Variants in MEI1 observed in about 807,000 individuals in gnomAD.
MEI1 encodes the protein meiosis inhibitor protein 1.
In MEI1, 103 loss-of-function variants were observed where a neutral mutation model predicts 146.2. The observed-to-expected ratio is 0.70, with a 90% CI of 0.60 to 0.83. The LOEUF is 0.83. Among genes scored for constraint, MEI1 ranks in the 40% least tolerant of loss-of-function variants. MEI1 has a pLI of 0.00. For missense variants in MEI1, 1,529 were observed against 1,533.0 expected, an observed-to-expected ratio of 1.00 and a Z score of 0.04; for synonymous variants, 652 against 628.2, an observed-to-expected ratio of 1.04 and a Z score of -0.57.
intron 16 of MEI1, among the ~76,000 whole-genome samples, chr22:41,753,277 C>A (rs2073893000): frequency 6.6e-6 from 1 of 152,024 alleles, no homozygotes; most frequent in African/African-American, 2.4e-5. Flanking sequence ...GCTGGGATTA[C>A]AGGCGTGAGC....
intron 6 of MEI1, among the ~76,000 whole-genome samples, chr22:41,721,712 G>T: frequency 7.4e-6 from 1 of 135,820 alleles, no homozygotes; most frequent in African/African-American, 2.8e-5. Context: ...GTTTTTAAAT[G>T]CTACCCCTTT....
At chr22:41,711,190 T>A (rs2069527469) in intron 3 of MEI1, among the ~76,000 whole-genome samples, 1 of 152,166 alleles carries the variant, frequency 6.6e-6, no homozygotes, top group Non-Finnish European at 1.5e-5. Flanking sequence ...TTTCTTTTTT[T>A]TTGAGACAAT....
At chr22:41,711,990 T>G (rs1601666099) in intron 3 of MEI1, among the ~76,000 whole-genome samples, 1 of 151,144 alleles carries the variant, frequency 6.6e-6, no homozygotes, top group African/African-American at 2.4e-5. Context: ...TCACCTGAGG[T>G]TAGGAGTTCG....
Position 41,799,449 on chromosome 22 carries a change from C to A in MEI1, c.*150C>A. ...TAGAATAAGGAAATAAAATGATACA[C>A]TCACATACCTGCGCGAGCTCTCCAA... On this transcript the variant is annotated 3_prime_UTR_variant, in exon 31 of 31. Coordinates refer to ENST00000401548, the MANE Select transcript of MEI1 (RefSeq NM_152513.4). 2.8e-6 allele frequency: 2 copies of A among 704,962 alleles called. No individual in the cohort carries two copies. The highest frequency in any genetic ancestry group is 4.7e-6 in the Non-Finnish European group (2 of 423,172). 43.7% of individuals were successfully genotyped at this position (704,962 alleles called of 1,614,324 possible).
chr22:41,724,743 A>C (rs986667476), intron 7 of MEI1, among the ~76,000 whole-genome samples: 1 of 151,788 alleles, frequency 6.6e-6, no homozygotes, highest in African/African-American at 2.4e-5. Context: ...TTGAGCCATG[A>C]TCATGCCACT....
chr22:41,751,697 G>T (rs2073760285), intron 15 of MEI1, among the ~76,000 whole-genome samples: 1 of 151,626 alleles, frequency 6.6e-6, no homozygotes, highest in African/African-American at 2.4e-5. Flanking sequence ...GCTTGAACCT[G>T]CGAGGCGGAG....
chr22:41,784,562 G>A (rs765013135), intron 25 of MEI1, 46 bp from the exon 26 acceptor site: 1 of 1,603,706 alleles, frequency 6.2e-7, no homozygotes, highest in Non-Finnish European at 8.5e-7. Context: ...TGGGTGGGAG[G>A]TGGGAAGGAG....
chr22:41,708,556 G>A (rs1177536235), intron 3 of MEI1, among the ~76,000 whole-genome samples: 2 of 152,144 alleles, frequency 1.3e-5, no homozygotes, highest in South Asian at 4.1e-4. Context: ...ACCAAAAATC[G>A]GAAAGCCACT....
intron 21 of MEI1, among the ~76,000 whole-genome samples, chr22:41,778,044 TC>T (rs2148120729): frequency 6.7e-6 from 1 of 149,970 alleles, no homozygotes; most frequent in African/African-American, 2.5e-5. Flanking sequence ...CCTTTCTTCC[TC>T]CTCCTTCTCC....
intron 7 of MEI1, among the ~76,000 whole-genome samples, 163 bp downstream of exon 7, chr22:41,724,236 C>T (rs926450160): frequency 2.6e-5 from 4 of 152,140 alleles, no homozygotes; most frequent in Admixed American, 6.6e-5. Flanking sequence ...TCTGTAGTCC[C>T]AGCACTTTCG....
intron 7 of MEI1, among the ~76,000 whole-genome samples, chr22:41,724,710 G>C (rs552026541): frequency 6.6e-6 from 1 of 151,962 alleles, no homozygotes; most frequent in African/African-American, 2.4e-5. Flanking sequence ...AGGATTGCTC[G>C]AACCCAGGAG....
chr22:41,722,810 A>G (rs1430142721), intron 6 of MEI1, among the ~76,000 whole-genome samples: 1 of 152,050 alleles, frequency 6.6e-6, no homozygotes, highest in African/African-American at 2.4e-5. Context: ...TTTAATTTTA[A>G]TATTTAATAT....
intron 18 of MEI1, 97 bp from the exon 19 acceptor site, chr22:41,763,077 G>C: frequency 7.2e-7 from 1 of 1,389,672 alleles, no homozygotes; most frequent in Non-Finnish European, 9.9e-7. Flanking sequence ...TATTGGGGCA[G>C]GACAGTGGGC....
At chr22:41,713,767 C>T (rs2069832642) in intron 3 of MEI1, among the ~76,000 whole-genome samples, 1 of 152,184 alleles carries the variant, frequency 6.6e-6, no homozygotes, top group Non-Finnish European at 1.5e-5. Context: ...AGGCTGGTCT[C>T]AAATTCCTCA....
At chr22:41,736,521 G>A (rs867943145) in intron 11 of MEI1, among the ~76,000 whole-genome samples, 21 of 152,148 alleles carry the variant, frequency 1.4e-4, no homozygotes, top group African/African-American at 4.8e-4. Context: ...TCAAAGGGCT[G>A]GGATTACAGG....
rs762070710 is a variant in MEI1 at position 41,699,626 on chromosome 22, C to T, written c.88C>T (p.Arg30Trp). ...AALLFERAHYRHDPRWLLPVT... is the reference protein window; with the variant it reads ...AALLFERAHYWHDPRWLLPVT... Reference sequence around the variant, plus strand: ...GCTTCTATTCGAGAGGGCCCATTACCGGCACGACCCGCGCTGGCTGCTGCC... The same window carrying T: ...GCTTCTATTCGAGAGGGCCCATTACTGGCACGACCCGCGCTGGCTGCTGCC... Residue 30 changes from arginine to tryptophan, a missense_variant, in exon 1 of 31, where the codon CGG becomes TGG. By Grantham distance (101) the Arg-to-Trp change is moderately radical. Around this residue, in one of 3 missense-constraint regions of MEI1, gnomAD observed 1,212 missense variants for 1,178.9 expected, o/e 1.03. Coordinates refer to ENST00000401548, the MANE Select transcript of MEI1 (RefSeq NM_152513.4). 4 of 1,609,680 alleles carry T rather than the reference C, an allele frequency of 2.5e-6. No individual in the cohort carries two copies. Among genetic ancestry groups the T allele is most frequent in the Admixed American group, 1.7e-5 (1 of 59,604 alleles).
At position 41,794,410 on chromosome 22, in the gene MEI1, T is replaced by G. The variant is rs1191232006; in HGVS notation, c.3467T>G (p.Leu1156Arg). The G allele has an allele frequency of 3.1e-6, 5 of 1,614,014 alleles. No individual in the cohort carries two copies. The highest frequency in any genetic ancestry group is 3.4e-6 in the Non-Finnish European group (4 of 1,179,882). ...TCCCAGCCTTGGAATCGGTTTTTGC[T>G]GTTTACCCTCTTGGATGCTGGAGAG... is the stretch of plus-strand genomic sequence containing the variant. Reference protein sequence around the residue: ...VASQPWNRFLLFTLLDAGENS... With the variant: ...VASQPWNRFLRFTLLDAGENS... The change falls in exon 28 of 31, where the codon CTG becomes CGG. Residue 1156 changes from leucine (L) to arginine (R), a missense_variant. Physicochemically the swap from Leu to Arg is moderately radical, Grantham distance 102. Transcript: ENST00000401548.
At chr22:41,762,737 A>T (rs2074582055) in intron 18 of MEI1, among the ~76,000 whole-genome samples, 1 of 151,580 alleles carries the variant, frequency 6.6e-6, no homozygotes, top group Non-Finnish European at 1.5e-5. Context: ...TTTAATTTTG[A>T]TGACCTCTAA....
intron 20 of MEI1, among the ~76,000 whole-genome samples, chr22:41,772,551 G>A (rs2075239267): frequency 6.6e-6 from 1 of 152,076 alleles, no homozygotes; most frequent in Non-Finnish European, 1.5e-5. Flanking sequence ...CAAATTCCTG[G>A]GCTCCAGCGA....
Sources: gnomAD v4.1 joint callset for allele counts (sites outside exome capture counted in the v4.1 genomes callset) on GRCh38, gnomAD v4.1.1 for gene constraint, gnomAD v4.1.1 regional missense constraint, MANE v1.5 for transcripts, NCBI Gene and HGNC (gene_info 2026-07-23, HGNC 2026-07-21) for gene names.